RANBP2: variants seen among roughly 807,000 people sequenced by gnomAD.
RANBP2 encodes the protein RAN binding protein 2, also known as E3 SUMO-protein ligase RanBP2.
Under a neutral mutation model 303.6 loss-of-function variants are expected in RANBP2, and 57 were observed. The observed-to-expected ratio is 0.19, with a 90% CI of 0.15 to 0.23. The LOEUF is 0.23. Ranked by LOEUF, RANBP2 falls within the 10% of genes least tolerant of loss-of-function variation. The probability of loss-of-function intolerance (pLI) is 1.00; values close to 1 mark genes in which losing one functional copy is unlikely to be tolerated. For missense variants in RANBP2, 3,138 were observed against 3,780.8 expected (o/e 0.83, Z 4.46); for synonymous variants, 1,167 against 1,301.5 (o/e 0.90, Z 2.23).
At position 108,740,576 on chromosome 2, in the gene RANBP2, C is replaced by T. The variant is rs572238427; in HGVS notation, c.870C>T (p.Tyr290=). Residue 290 remains tyrosine (Y), a synonymous_variant, in exon 7 of 29, where the codon TAC becomes TAT. Coordinates refer to ENST00000283195, the MANE Select transcript of RANBP2 (RefSeq NM_006267.5). ...TCTTAGAAATGAAAGGACATTTCTA[C>T]ATGCATGCTGGTTCTCTGCTTTTGA... The part of the protein sequence containing the change: ...ATFLEMKGHF[Y]MHAGSLLLKM... The T allele has an allele frequency of 4.4e-6, 7 of 1,597,562 alleles. No individual in the cohort carries two copies. The highest frequency in any genetic ancestry group is 1.1e-5 in the South Asian group (1 of 90,988).
At chr2:109,075,609 TC>T in the RANBP2 span, among the ~76,000 whole-genome samples, 1 of 140,494 alleles carries the variant, frequency 7.1e-6, no homozygotes, top group African/African-American at 2.6e-5. Context: ...AAGAATGGAT[TC>T]AAATAAATGA....
chr2:109,280,740 G>A, the RANBP2 span, among the ~76,000 whole-genome samples: 1 of 152,212 alleles, frequency 6.6e-6, no homozygotes, highest in Non-Finnish European at 1.5e-5. Context: ...GGGCTCACCC[G>A]ATGAGGGCTG....
the RANBP2 span, among the ~76,000 whole-genome samples, chr2:108,927,033 G>A: frequency 1.6e-4 from 24 of 152,344 alleles, no homozygotes; most frequent in East Asian, 4.1e-3. Context: ...GCTGGGATTC[G>A]GAGGTGAGGC....
In RANBP2 at chr2:108,785,280, T is replaced by TA. The variant is rs1678542269; in HGVS notation, c.*1380dup. The TA allele has an allele frequency of 6.6e-6, 1 of 152,226 alleles. No homozygotes were observed. The highest frequency in any genetic ancestry group is 6.5e-5 in the Admixed American group (1 of 15,274). 9.4% of individuals were successfully genotyped at this position (152,226 alleles called of 1,614,324 possible). Reference sequence around the variant, plus strand: ...CATTCCACTCGGCCACAAAGCCAGATACTTGAAATAAACCTACTCCAAATG... The same window carrying TA: ...CATTCCACTCGGCCACAAAGCCAGATAACTTGAAATAAACCTACTCCAAATG... On this transcript the variant is annotated 3_prime_UTR_variant, in exon 29 of 29. Transcript: ENST00000283195.
chr2:108,754,445 T>C (rs1573779087), intron 15 of RANBP2, among the ~76,000 whole-genome samples: 1 of 151,022 alleles, frequency 6.6e-6, no homozygotes, highest in Admixed American at 6.6e-5. Flanking sequence ...CTGAGTGTTT[T>C]GTTGATTAAT....
the RANBP2 span, among the ~76,000 whole-genome samples, chr2:109,098,294 A>G: frequency 2.6e-5 from 4 of 152,222 alleles, no homozygotes; most frequent in African/African-American, 9.6e-5. Flanking sequence ...GAAAATCAAC[A>G]TGGAATCACT....
chr2:109,760,361 CGCAGGGCCGGG>C, the RANBP2 span: 1 of 177,120 alleles, frequency 5.6e-6, no homozygotes, highest in Non-Finnish European at 9.6e-6. Context: ...GCGGCGGCGG[CGCAGGGCCGGG>C]GGCGGGGCCG....
the RANBP2 span, among the ~76,000 whole-genome samples, chr2:109,652,009 A>G: frequency 6.6e-6 from 1 of 152,216 alleles, no homozygotes; most frequent in Non-Finnish European, 1.5e-5. Flanking sequence ...ACCTGCAGTG[A>G]CAGGGGCCAA....
At chr2:108,770,336 T>C (rs1332762357) in intron 20 of RANBP2, among the ~76,000 whole-genome samples, 3 of 152,256 alleles carry the variant, frequency 2.0e-5, no homozygotes, top group Non-Finnish European at 4.4e-5. Context: ...TTCTCCTAGC[T>C]AGAAAATGAT....
the RANBP2 span, chr2:109,733,079 T>A: frequency 1.8e-6 from 1 of 552,090 alleles, no homozygotes; most frequent in East Asian, 4.9e-5. Flanking sequence ...CCGGAGCAGG[T>A]CCCTTTCTGG....
At chr2:108,780,104 T>C (rs980925269) in intron 25 of RANBP2, among the ~76,000 whole-genome samples, 2 of 152,136 alleles carry the variant, frequency 1.3e-5, no homozygotes, top group African/African-American at 4.8e-5. Context: ...GTGACAGTCT[T>C]ATCTTTGTAT....
chr2:109,395,722 T>A, the RANBP2 span, among the ~76,000 whole-genome samples: 1 of 152,188 alleles, frequency 6.6e-6, no homozygotes, highest in East Asian at 1.9e-4. Flanking sequence ...CAGTGCTCAG[T>A]GACCTGTGGC....
chr2:109,650,502 T>A, the RANBP2 span, among the ~76,000 whole-genome samples: 1 of 152,192 alleles, frequency 6.6e-6, no homozygotes, highest in Non-Finnish European at 1.5e-5. Context: ...GGGGTCCCAC[T>A]TTCCCTCCTT....
At chr2:109,009,507 C>A in the RANBP2 span, among the ~76,000 whole-genome samples, 58 of 151,924 alleles carry the variant, frequency 3.8e-4, no homozygotes, top group Non-Finnish European at 6.6e-4. Context: ...TAACATGCAT[C>A]TTTTTTTGTT....
At chr2:109,451,912 G>A in the RANBP2 span, among the ~76,000 whole-genome samples, 2 of 152,262 alleles carry the variant, frequency 1.3e-5, no homozygotes, top group Non-Finnish European at 2.9e-5. Flanking sequence ...ACTCCAGGCA[G>A]GAGGGGAAGT....
the RANBP2 span, among the ~76,000 whole-genome samples, chr2:108,965,808 T>C: frequency 6.6e-6 from 1 of 152,108 alleles, no homozygotes; most frequent in Non-Finnish European, 1.5e-5. Context: ...GATGGGCCTT[T>C]TGATGTGCAG....
the RANBP2 span, among the ~76,000 whole-genome samples, chr2:109,495,280 C>G: frequency 6.6e-6 from 1 of 152,172 alleles, no homozygotes; most frequent in Non-Finnish European, 1.5e-5. Context: ...TGCCCCAGTT[C>G]CCCAGCTACA....
At chr2:109,588,311 T>C in the RANBP2 span, among the ~76,000 whole-genome samples, 2 of 151,978 alleles carry the variant, frequency 1.3e-5, no homozygotes, top group Non-Finnish European at 2.9e-5. Flanking sequence ...ATCAGAAAGG[T>C]AAATATGTGG....
chr2:109,290,871 T>C, the RANBP2 span, among the ~76,000 whole-genome samples: 2 of 152,262 alleles, frequency 1.3e-5, no homozygotes, highest in Non-Finnish European at 2.9e-5. Flanking sequence ...ATTATTTTTA[T>C]TCTTCATGTA....
Sources: gnomAD v4.1 joint callset for allele counts (sites outside exome capture counted in the v4.1 genomes callset) on GRCh38, gnomAD v4.1.1 for gene constraint, MANE v1.5 for transcripts, NCBI Gene and HGNC (gene_info 2026-07-23, HGNC 2026-07-21) for gene names.